Variants in RGS6 observed in about 807,000 individuals in gnomAD.
RGS6 encodes regulator of G-protein signaling 6.
A neutral mutation model predicts 78.5 loss-of-function variants in RGS6; 30 were observed. That is an observed-to-expected ratio of 0.38 (90% CI 0.29 to 0.52). The LOEUF (loss-of-function observed/expected upper bound fraction) is 0.52, where lower values mean the gene tolerates loss of function less well. Among genes scored for constraint, RGS6 ranks in the 20% least tolerant of loss-of-function variants. The pLI, the probability that RGS6 is intolerant of heterozygous loss-of-function variation, is 0.85. For missense variants in RGS6, 495 were observed against 609.7 expected, an observed-to-expected ratio of 0.81 and a Z score of 1.98; for synonymous variants, 206 against 206.0, an observed-to-expected ratio of 1.00 and a Z score of 0.00.
At chr14:72,594,769 C>A in the RGS6 span, 1 of 152,062 alleles carries the variant, frequency 6.6e-6, no homozygotes, top group Non-Finnish European at 1.5e-5. Context: ...TTATTCATGG[C>A]GGGAACAAGC....
chr14:72,444,595 C>T (rs990917278), intron 3 of RGS6, among the ~76,000 whole-genome samples: 38 of 152,336 alleles, frequency 2.5e-4, no homozygotes, highest in African/African-American at 8.9e-4. Flanking sequence ...GGGATCTACT[C>T]CCAGATCAGT....
chr14:72,520,665 CCCTT>C (rs754050452), intron 15 of RGS6, among the ~76,000 whole-genome samples: 18 of 152,216 alleles, frequency 1.2e-4, no homozygotes, highest in Non-Finnish European at 2.2e-4. Context: ...TTGATTCTCT[CCCTT>C]CATTTGCCAG....
intron 11 of RGS6, 37 bp downstream of exon 11, chr14:72,476,877 C>A (rs373146562): frequency 1.9e-6 from 3 of 1,562,310 alleles, no homozygotes; most frequent in Admixed American, 1.7e-5. Flanking sequence ...CAGGAGGAGA[C>A]GTGGCCAGTT....
intron 3 of RGS6, among the ~76,000 whole-genome samples, chr14:72,432,047 A>G (rs562389140): frequency 6.6e-6 from 1 of 152,300 alleles, no homozygotes; most frequent in African/African-American, 2.4e-5. Context: ...AGGGGCTAAG[A>G]CCACTCCAAC....
At chr14:72,138,590 T>TA (rs961318220) in intron 2 of RGS6, among the ~76,000 whole-genome samples, 2 of 151,944 alleles carry the variant, frequency 1.3e-5, no homozygotes, top group Non-Finnish European at 2.9e-5. Flanking sequence ...TGTGGCCTTT[T>TA]AGGAACTGGA....
chr14:71,904,883 T>G, the RGS6 span, among the ~76,000 whole-genome samples: 2 of 149,434 alleles, frequency 1.3e-5, no homozygotes, highest in East Asian at 3.9e-4. Context: ...TAGTGCATAC[T>G]GGACTCCATT....
At chr14:72,610,853 G>A in the RGS6 span, among the ~76,000 whole-genome samples, 1 of 152,338 alleles carries the variant, frequency 6.6e-6, no homozygotes, top group Admixed American at 6.5e-5. Context: ...GGTGTGGAAA[G>A]GGTCCAAGTC....
At chr14:72,220,969 C>T (rs1007517905) in intron 2 of RGS6, among the ~76,000 whole-genome samples, 3 of 152,160 alleles carry the variant, frequency 2.0e-5, no homozygotes, top group African/African-American at 7.2e-5. Context: ...CTAAATCCTC[C>T]TTATCAGCAG....
At chr14:72,466,770 G>A (rs890925228) in intron 7 of RGS6, among the ~76,000 whole-genome samples, 4 of 152,308 alleles carry the variant, frequency 2.6e-5, no homozygotes, top group East Asian at 1.9e-4. Context: ...TATCCTGATC[G>A]TGGTGGTGGT....
chr14:72,234,549 G>T (rs1003262745), intron 2 of RGS6, among the ~76,000 whole-genome samples: 1 of 152,170 alleles, frequency 6.6e-6, no homozygotes, highest in Non-Finnish European at 1.5e-5. Flanking sequence ...TGTAGGCTGA[G>T]TGAGGATAGG....
intron 2 of RGS6, among the ~76,000 whole-genome samples, chr14:72,121,636 A>C (rs1567247950): frequency 6.6e-6 from 1 of 152,196 alleles, no homozygotes; most frequent in Admixed American, 6.5e-5. Flanking sequence ...AGCATTGGAC[A>C]GCAGGGCAGC....
At chr14:72,271,633 CA>C (rs2059951712) in intron 2 of RGS6, among the ~76,000 whole-genome samples, 1 of 151,644 alleles carries the variant, frequency 6.6e-6, no homozygotes, top group African/African-American at 2.4e-5. Flanking sequence ...TGTGAGCAGT[CA>C]TTCCAACTCT....
At chr14:72,075,062 A>G (rs1233581959) in intron 2 of RGS6, among the ~76,000 whole-genome samples, 1 of 152,210 alleles carries the variant, frequency 6.6e-6, no homozygotes, top group African/African-American at 2.4e-5. Flanking sequence ...GAAATCTGCC[A>G]TGTTCTCTAA....
In RGS6 at chr14:72,297,433, T is replaced by TATTATTA. The variant is rs1390646561; in HGVS notation, c.85-54662_85-54661insATTATTA. On this transcript the variant is annotated intron_variant, in intron 2 of 17. Coordinates refer to ENST00000553525, the MANE Select transcript of RGS6 (RefSeq NM_001204424.2). Reference sequence around the variant, plus strand: ...GTATATATTATTATTATTATTATTTTTTTTTTATACTTTAAGTTTTAGGGT... The same window carrying TATTATTA: ...GTATATATTATTATTATTATTATTTTATTATTATTTTTTATACTTTAAGTTTTAGGGT... 9.5e-3 allele frequency among the ~76,000 whole-genome samples: 1,396 copies of TATTATTA among 146,960 alleles called. 28 individuals are homozygous for TATTATTA. Among genetic ancestry groups the TATTATTA allele is most frequent in the African/African-American group, 0.035 (1,326 of 37,428 alleles).
At chr14:72,624,333 C>CTTT in the RGS6 span, among the ~76,000 whole-genome samples, 27,841 of 97,616 alleles carry the variant, frequency 0.29, 4,764 homozygotes, top group Non-Finnish European at 0.41. Context: ...ACCTATGTCT[C>CTTT]TTTTTTTTTT....
chr14:72,384,087 G>C (rs1192679087), intron 3 of RGS6, among the ~76,000 whole-genome samples: 2 of 152,174 alleles, frequency 1.3e-5, no homozygotes, highest in Non-Finnish European at 2.9e-5. Context: ...CACACGTTTT[G>C]ATCGTATAAT....
intron 2 of RGS6, among the ~76,000 whole-genome samples, chr14:72,276,263 C>G (rs1438000050): frequency 6.6e-6 from 1 of 152,140 alleles, no homozygotes; most frequent in East Asian, 1.9e-4. Context: ...TCCAAGCAGC[C>G]AACTTTTTAA....
chr14:72,286,495 C>G (rs1429983195), intron 2 of RGS6, among the ~76,000 whole-genome samples: 1 of 150,598 alleles, frequency 6.6e-6, no homozygotes, highest in Non-Finnish European at 1.5e-5. Context: ...TTTTTGGGGT[C>G]TTTTGTGGTT....
intron 2 of RGS6, among the ~76,000 whole-genome samples, chr14:72,101,371 A>G (rs1192881263): frequency 6.6e-6 from 1 of 152,184 alleles, no homozygotes; most frequent in Non-Finnish European, 1.5e-5. Context: ...GTAAGCATTG[A>G]TGTGTTCACC....
Sources: allele counts gnomAD v4.1 joint callset (sites outside exome capture counted in the v4.1 genomes callset), GRCh38; gene constraint gnomAD v4.1.1; transcripts MANE v1.5; gene names NCBI Gene and HGNC (gene_info 2026-07-23, HGNC 2026-07-21).